Variants in CALN1 observed in about 807,000 individuals in gnomAD.
CALN1 encodes the protein calneuron 1.
In CALN1, 17 loss-of-function variants were observed where a neutral mutation model predicts 30.6. The ratio of observed to expected loss-of-function variants is 0.56; its 90% confidence interval spans 0.38 to 0.83. CALN1 has a LOEUF of 0.83. CALN1 is among the 40% of genes least tolerant of loss of function. CALN1 has a pLI of 0.00. For missense variants in CALN1, 291 were observed against 354.9 expected (o/e 0.82, Z 1.45); for synonymous variants, 156 against 131.4 (o/e 1.19, Z -1.28).
At chr7:72,091,925 A>T (rs1302989725) in intron 4 of CALN1, among the ~76,000 whole-genome samples, 1 of 152,238 alleles carries the variant, frequency 6.6e-6, no homozygotes, top group Non-Finnish European at 1.5e-5. Context: ...GGTAGGCTGC[A>T]AGTATGCAAC....
chr7:72,409,691 T>C (rs1217585175), intron 1 of CALN1, among the ~76,000 whole-genome samples: 1 of 152,078 alleles, frequency 6.6e-6, no homozygotes, highest in Non-Finnish European at 1.5e-5. Context: ...TGAACCTGCA[T>C]TGTTTATGGG....
chr7:71,864,838 C>CA (rs1395220520), intron 5 of CALN1, among the ~76,000 whole-genome samples: 1 of 152,004 alleles, frequency 6.6e-6, no homozygotes, highest in African/African-American at 2.4e-5. Context: ...TCTGTCTCTA[C>CA]AAAAAACTTA....
chr7:71,940,696 A>T (rs1796080622), intron 5 of CALN1, among the ~76,000 whole-genome samples: 1 of 152,048 alleles, frequency 6.6e-6, no homozygotes, highest in African/African-American at 2.4e-5. Flanking sequence ...CTCCACCTCC[A>T]GGGCTCAAGC....
At chr7:71,813,461 C>T (rs997335537) in intron 5 of CALN1, among the ~76,000 whole-genome samples, 2 of 152,124 alleles carry the variant, frequency 1.3e-5, no homozygotes, top group African/African-American at 4.8e-5. Context: ...AAGTGACTCT[C>T]CTAGGAAGCC....
intron 3 of CALN1, among the ~76,000 whole-genome samples, chr7:72,128,448 T>C (rs1808918616): frequency 1.3e-5 from 2 of 152,042 alleles, no homozygotes; most frequent in South Asian, 2.1e-4. Flanking sequence ...CAATCAAAGA[T>C]TAAGTATATT....
intron 4 of CALN1, among the ~76,000 whole-genome samples, chr7:72,046,288 G>A (rs2129534847): frequency 6.6e-6 from 1 of 152,188 alleles, no homozygotes; most frequent in Non-Finnish European, 1.5e-5. Context: ...AGGCCGGAGT[G>A]CAGTGGCACA....
chr7:72,434,518 CAGAAGA>C (rs1262690087), intron 1 of CALN1, among the ~76,000 whole-genome samples: 1 of 149,560 alleles, frequency 6.7e-6, no homozygotes, highest in Non-Finnish European at 1.5e-5. Context: ...GAGACTCCAT[CAGAAGA>C]AGGAGAAGGA....
chr7:72,083,946 C>A (rs940515539), intron 4 of CALN1, among the ~76,000 whole-genome samples: 1 of 152,026 alleles, frequency 6.6e-6, no homozygotes, highest in Non-Finnish European at 1.5e-5. Context: ...TGGTGGCTCA[C>A]GCCTGTAATC....
chr7:72,279,746 C>A lies in CALN1; in HGVS notation c.120-936G>T, dbSNP rs192472648. On this transcript the variant is annotated intron_variant, in intron 2 of 6. Coordinates refer to ENST00000395275, the MANE Select transcript of CALN1 (RefSeq NM_031468.4). ...ATTATCTTCTCCAAAGCAGAAAGAG[C>A]ATAGCTCCTGGCCCAACTTGTCTAA... Among the ~76,000 whole-genome samples the A allele has an allele frequency of 3.9e-5, 6 of 152,338 alleles. No homozygotes were observed. The East Asian group carries it at 5.8e-4, about 15-fold the overall frequency.
At chr7:71,878,058 C>T (rs149990819) in intron 5 of CALN1, among the ~76,000 whole-genome samples, 12 of 152,222 alleles carry the variant, frequency 7.9e-5, no homozygotes, top group South Asian at 2.1e-4. Flanking sequence ...TCCCAGGTGA[C>T]GCTGATGGTG....
chr7:71,886,081 G>C (rs1353045324), intron 5 of CALN1, among the ~76,000 whole-genome samples: 3 of 152,206 alleles, frequency 2.0e-5, no homozygotes, highest in African/African-American at 7.2e-5. Flanking sequence ...AATTCAGGGT[G>C]GGTTCCAAGT....
At chr7:72,005,453 C>T (rs1377354594) in intron 5 of CALN1, among the ~76,000 whole-genome samples, 2 of 152,116 alleles carry the variant, frequency 1.3e-5, no homozygotes, top group Admixed American at 6.5e-5. Flanking sequence ...CTCAGCTTCC[C>T]AGGTAGCTGG....
intron 3 of CALN1, among the ~76,000 whole-genome samples, chr7:72,267,224 C>T (rs1009690480): frequency 9.9e-5 from 15 of 152,094 alleles, no homozygotes; most frequent in Non-Finnish European, 2.1e-4. Context: ...CCGGCAAAAA[C>T]GGGATAAAAC....
intron 5 of CALN1, among the ~76,000 whole-genome samples, chr7:71,985,250 C>T (rs896801133): frequency 6.6e-6 from 1 of 152,184 alleles, no homozygotes; most frequent in Non-Finnish European, 1.5e-5. Context: ...TCATTTCACA[C>T]TCTGCGTATT....
intron 5 of CALN1, among the ~76,000 whole-genome samples, chr7:71,818,202 G>C (rs1238518755): frequency 6.6e-6 from 1 of 152,026 alleles, no homozygotes; most frequent in Non-Finnish European, 1.5e-5. Flanking sequence ...TGAAGGGTGG[G>C]TCAGAGGGGG....
At chr7:72,193,075 C>G (rs1345966439) in intron 3 of CALN1, among the ~76,000 whole-genome samples, 2 of 151,836 alleles carry the variant, frequency 1.3e-5, no homozygotes, top group African/African-American at 2.4e-5. Context: ...CTAGTCCCAG[C>G]TACTTGGGAG....
chr7:72,303,992 T>C (rs1468459620), intron 2 of CALN1, among the ~76,000 whole-genome samples: 2 of 152,166 alleles, frequency 1.3e-5, no homozygotes, highest in Non-Finnish European at 2.9e-5. Context: ...GAATTTGAAA[T>C]AGGAGAATCA....
At chr7:72,317,526 G>A (rs1301731150) in intron 2 of CALN1, among the ~76,000 whole-genome samples, 1 of 152,166 alleles carries the variant, frequency 6.6e-6, no homozygotes, top group African/African-American at 2.4e-5. Flanking sequence ...CCAGAGAACT[G>A]ATGACAGCCA....
At chr7:72,385,289 G>C (rs1012725561) in intron 2 of CALN1, among the ~76,000 whole-genome samples, 1 of 152,104 alleles carries the variant, frequency 6.6e-6, no homozygotes, top group African/African-American at 2.4e-5. Context: ...AGCAAACAGG[G>C]TCTCAGGTAT....
Sources: gnomAD v4.1 joint callset for allele counts (sites outside exome capture counted in the v4.1 genomes callset) on GRCh38, gnomAD v4.1.1 for gene constraint, MANE v1.5 for transcripts, NCBI Gene and HGNC (gene_info 2026-07-23, HGNC 2026-07-21) for gene names.